The following BACE1 variants were observed in gnomAD, a reference collection of about 807,000 sequenced individuals.
The protein encoded by BACE1 is APP beta-secretase.
BACE1 carries 21 observed loss-of-function variants against 54.0 expected under a neutral mutation model. That is an observed-to-expected ratio of 0.39 (90% confidence interval 0.28 to 0.56). The LOEUF (loss-of-function observed/expected upper bound fraction) is 0.56, where lower values mean the gene tolerates loss of function less well. BACE1 is among the 20% of genes least tolerant of loss of function. The pLI is 0.63. For missense variants in BACE1, 511 were observed against 661.2 expected (o/e 0.77, Z 2.49); for synonymous variants, 232 against 260.9 (o/e 0.89, Z 1.07).
intron 8 of BACE1, among the ~76,000 whole-genome samples, 182 bp from the exon 9 acceptor site, chr11:117,289,989 A>G (rs1288232823): frequency 3.3e-5 from 5 of 152,142 alleles, no homozygotes; most frequent in African/African-American, 1.2e-4. Context: ...TCCCTTCCCA[A>G]GTCACTGGGA....
At position 117,315,516 on chromosome 11, in the gene BACE1, GCTGGC is replaced by G. The variant is rs766688814; in HGVS notation, c.261+14_261+18del. 15 of 1,575,554 alleles carry G rather than the reference GCTGGC, an allele frequency of 9.5e-6. No homozygotes were observed. The South Asian group carries it at 1.5e-4, about 16-fold the overall frequency. On this transcript the variant is annotated intron_variant, in intron 1 of 8. Coordinates refer to ENST00000313005, the MANE Select transcript of BACE1 (RefSeq NM_012104.6). The surrounding 1 kb of genome is among the most constrained non-coding windows in gnomAD (Gnocchi z 5.5). ...TGCTCATGCAGGCGGAGGGCTAAGG[GCTGGC>G]CTGACCACCTTACCGTCTGCGGGGG...
intron 1 of BACE1, among the ~76,000 whole-genome samples, chr11:117,300,853 C>T (rs977680469): frequency 6.6e-6 from 1 of 152,136 alleles, no homozygotes; most frequent in African/African-American, 2.4e-5. Context: ...TTTACAGATG[C>T]TCATCTCTTC....
chr11:117,289,524 G>A lies in BACE1; in HGVS notation c.*42C>T, dbSNP rs995237671. The A allele has an allele frequency of 1.1e-5, 17 of 1,604,808 alleles. No homozygotes were observed. The African/African-American group carries it at 1.1e-4, about 10-fold the overall frequency. ...CTTGTGACCAAAGTGAACCACGGAG[G>A]TGTGGTCCAGGGGAATCTCTATCTT... On this transcript the variant is annotated 3_prime_UTR_variant, in exon 9 of 9. Coordinates refer to ENST00000313005, the MANE Select transcript of BACE1 (RefSeq NM_012104.6).
At chr11:117,310,206 G>A (rs1378973301) in intron 1 of BACE1, among the ~76,000 whole-genome samples, 1 of 151,982 alleles carries the variant, frequency 6.6e-6, no homozygotes, top group African/African-American at 2.4e-5. Context: ...TGCTGAACCT[G>A]GCCCTTTCGT....
At chr11:117,290,364 C>G in intron 8 of BACE1, 124 bp downstream of exon 8, 1 of 1,232,636 alleles carries the variant, frequency 8.1e-7, no homozygotes, top group East Asian at 2.5e-5. Context: ...CAACTGTTGA[C>G]TTGGGTTTGA....
chr11:117,316,057 C>G lies in BACE1; in HGVS notation c.-262G>C, dbSNP rs2035110274. On this transcript the variant is annotated 5_prime_UTR_variant, in exon 1 of 9. Coordinates refer to ENST00000313005, the MANE Select transcript of BACE1 (RefSeq NM_012104.6). ...TCGGCACGGCGGCGGCCAGCCTGGG[C>G]AGCGGGCGCGGGCTCCCGGCGGGGC... is the stretch of plus-strand genomic sequence containing the variant. The G allele has an allele frequency of 2.5e-6, 1 of 398,352 alleles. No homozygotes were observed. Among genetic ancestry groups the G allele is most frequent in the South Asian group, 1.3e-4 (1 of 7,950 alleles). 24.7% of individuals were successfully genotyped at this position (398,352 alleles called of 1,614,324 possible). A position where few individuals can be genotyped will look rare whatever the true frequency, so the allele number is the denominator to read the frequency against.
rs2034249004 is a variant in BACE1, at chr11:117,285,944, A to G, written c.*3622T>C. 6.6e-6 allele frequency: 1 copy of G among 152,438 alleles called. No individual in the cohort carries two copies. Among genetic ancestry groups the G allele is most frequent in the South Asian group, 2.1e-4 (1 of 4,816 alleles). The allele number at this position is 152,438 out of a possible 1,614,324, so 9.4% of individuals were successfully genotyped here. ...GCTGCCACTGTCTTGGCTTCTAATC[A>G]AGCTCTGACAGGCCAACATTGTGAA... On this transcript the variant is annotated 3_prime_UTR_variant, in exon 9 of 9. Transcript: ENST00000313005.
intron 8 of BACE1, 33 bp downstream of exon 8, chr11:117,290,455 C>A (rs2034390601): frequency 1.2e-6 from 2 of 1,606,320 alleles, no homozygotes. Flanking sequence ...TATGGAGAGA[C>A]TGACCCCAAA....
At chr11:117,300,963 C>T (rs1242674301) in intron 1 of BACE1, among the ~76,000 whole-genome samples, 4 of 152,222 alleles carry the variant, frequency 2.6e-5, no homozygotes, top group East Asian at 1.9e-4. Context: ...GCCAGGCTGT[C>T]TCCATTTCTT....
chr11:117,299,332 A>C (rs993170501), intron 1 of BACE1, among the ~76,000 whole-genome samples: 6 of 152,020 alleles, frequency 3.9e-5, no homozygotes, highest in African/African-American at 1.4e-4. Context: ...TTCTCTCCTC[A>C]GTCCAGTGAA....
Position 117,288,208 on chromosome 11 carries a change from C to T in BACE1, c.*1358G>A, listed in dbSNP as rs1032395431. The T allele has an allele frequency of 1.3e-5, 2 of 152,308 alleles. No individual in the cohort carries two copies. The highest frequency in any genetic ancestry group is 2.9e-5 in the Non-Finnish European group (2 of 68,056). 9.4% of individuals were successfully genotyped at this position (152,308 alleles called of 1,614,324 possible). On this transcript the variant is annotated 3_prime_UTR_variant, in exon 9 of 9. Coordinates refer to ENST00000313005, the MANE Select transcript of BACE1 (RefSeq NM_012104.6). ...ATAAGGAAGCCCTGAGGCTGCCATCCTTTCTCCAGGCAGCCTTGATACTGA... is the reference window on the plus strand; with the variant it reads ...ATAAGGAAGCCCTGAGGCTGCCATCTTTTCTCCAGGCAGCCTTGATACTGA...
intron 1 of BACE1, among the ~76,000 whole-genome samples, chr11:117,308,712 G>C (rs976211677): frequency 6.6e-6 from 1 of 152,142 alleles, no homozygotes; most frequent in African/African-American, 2.4e-5. Context: ...GACTTTGGGA[G>C]GCTGAGGCGG....
In BACE1 at chr11:117,316,212, G is replaced by A. The variant is rs1449851340; in HGVS notation, c.-417C>T. The A allele has an allele frequency of 6.9e-6, 3 of 434,430 alleles. No individual in the cohort carries two copies. The highest frequency in any genetic ancestry group is 8.7e-5 in the Admixed American group (2 of 23,100). The allele number at this position is 434,430 out of a possible 1,614,324, so 26.9% of individuals were successfully genotyped here. The stretch of plus-strand genomic sequence containing the variant: ...TGCTCAGGCCACCATAATCCAGCTC[G>A]CGGCTCGCAGCTCCCGGGCGGGCTG... On this transcript the variant is annotated 5_prime_UTR_variant, in exon 1 of 9. Transcript: ENST00000313005.
chr11:117,315,642 C>G lies in BACE1; in HGVS notation c.154G>C (p.Glu52Gln). 1.3e-6 allele frequency: 2 copies of G among 1,581,648 alleles called. No individual in the cohort carries two copies. Among genetic ancestry groups the G allele is most frequent in the Admixed American group, 3.6e-5 (2 of 55,958 alleles). Residue 52 changes from glutamate to glutamine, a missense_variant, in exon 1 of 9, where the codon GAG becomes CAG. Physicochemically the swap from Glu to Gln is conservative, Grantham distance 29. This residue lies in a region of BACE1 where 104 missense variants were observed against 95.5 expected (regional missense o/e 1.09). Coordinates refer to ENST00000313005, the MANE Select transcript of BACE1 (RefSeq NM_012104.6). The surrounding 1 kb of genome is among the most constrained non-coding windows in gnomAD (Gnocchi z 5.5). The stretch of plus-strand genomic sequence containing the variant: ...AAGCTGCCCCTCCGGCCGGGCTCCT[C>G]GGGCTCTTCGTCGGTCTCCCGGGGC... Reference protein sequence around the residue: ...RLPRETDEEPEEPGRRGSFVE... With the variant: ...RLPRETDEEPQEPGRRGSFVE...
intron 8 of BACE1, among the ~76,000 whole-genome samples, chr11:117,290,113 T>G (rs2034377114): frequency 6.6e-6 from 1 of 152,190 alleles, no homozygotes; most frequent in Non-Finnish European, 1.5e-5. Flanking sequence ...TAAACTTAAC[T>G]TTCTGCTGCT....
At chr11:117,299,462 C>T (rs2034674660) in intron 1 of BACE1, among the ~76,000 whole-genome samples, 2 of 152,114 alleles carry the variant, frequency 1.3e-5, no homozygotes, top group African/African-American at 4.8e-5. Context: ...TTCCTGCTCT[C>T]CGTGGTGCCT....
chr11:117,312,743 G>A (rs919772937), intron 1 of BACE1, among the ~76,000 whole-genome samples: 29 of 152,306 alleles, frequency 1.9e-4, no homozygotes, highest in African/African-American at 6.0e-4. Flanking sequence ...GATTACAGGC[G>A]TGAGCCACCG....
chr11:117,306,805 T>C (rs1211768720), intron 1 of BACE1, among the ~76,000 whole-genome samples: 3 of 151,756 alleles, frequency 2.0e-5, no homozygotes, highest in African/African-American at 7.3e-5. Context: ...AGTGAGACCC[T>C]GTCTCAAGAA....
At chr11:117,297,076 C>T in intron 1 of BACE1, 115 bp from the exon 2 acceptor site, 1 of 790,694 alleles carries the variant, frequency 1.3e-6, no homozygotes, top group Non-Finnish European at 2.1e-6. Context: ...CAGAGTGAAG[C>T]TCCACGATGC....
Sources: allele counts gnomAD v4.1 joint callset (sites outside exome capture counted in the v4.1 genomes callset), GRCh38; gene constraint gnomAD v4.1.1; regional missense constraint gnomAD v4.1.1; non-coding constraint Gnocchi (gnomAD v3.1); transcripts MANE v1.5; gene names NCBI Gene and HGNC (gene_info 2026-07-23, HGNC 2026-07-21).